The following PREX1 variants were observed in gnomAD, a reference collection of about 807,000 sequenced individuals.
PREX1 encodes phosphatidylinositol 3,4,5-trisphosphate-dependent Rac exchanger 1 protein.
Under a neutral mutation model 198.3 loss-of-function variants are expected in PREX1, and 41 were observed. The ratio of observed to expected loss-of-function variants is 0.21; its 90% confidence interval spans 0.16 to 0.27. The LOEUF is 0.27. PREX1 is among the 10% of genes least tolerant of loss of function. The pLI is 1.00. For missense variants in PREX1, 1,620 were observed against 2,200.7 expected, an observed-to-expected ratio of 0.74 and a Z score of 5.28; for synonymous variants, 843 against 887.2, an observed-to-expected ratio of 0.95 and a Z score of 0.89.
At chr20:48,648,470 G>C (rs79247638) in intron 25 of PREX1, among the ~76,000 whole-genome samples, 27 of 152,220 alleles carry the variant, frequency 1.8e-4, no homozygotes, top group Non-Finnish European at 2.4e-4. Context: ...CCCCAACAAG[G>C]AATAATCCAG....
At chr20:48,680,017 G>A (rs2089738821) in intron 11 of PREX1, among the ~76,000 whole-genome samples, 1 of 152,130 alleles carries the variant, frequency 6.6e-6, no homozygotes, top group Admixed American at 6.5e-5. Context: ...AGCTTGGGGT[G>A]GGGCATCTAC....
intron 1 of PREX1, among the ~76,000 whole-genome samples, chr20:48,776,440 G>T (rs923462422): frequency 1.3e-5 from 2 of 152,342 alleles, no homozygotes; most frequent in African/African-American, 4.8e-5. Context: ...CTGTGGGAGG[G>T]GATGGCAGCT....
intron 6 of PREX1, among the ~76,000 whole-genome samples, chr20:48,705,526 A>G (rs2089898878): frequency 6.6e-6 from 1 of 152,206 alleles, no homozygotes; most frequent in Non-Finnish European, 1.5e-5. Context: ...GGTCACACAG[A>G]AAGATGGGAA....
At chr20:48,777,920 G>A (rs73258469) in intron 1 of PREX1, among the ~76,000 whole-genome samples, 2,241 of 152,020 alleles carry the variant, frequency 0.015, 57 homozygotes, top group African/African-American at 0.051. Flanking sequence ...TGCCCAAGAC[G>A]TCTACACCAG....
chr20:48,840,624 A>G, the PREX1 span, among the ~76,000 whole-genome samples: 1 of 152,214 alleles, frequency 6.6e-6, no homozygotes, highest in Non-Finnish European at 1.5e-5. Context: ...CAAAGTCAGC[A>G]TGGCTGCTTG....
chr20:48,797,582 CCT>C (rs1259643030), intron 1 of PREX1, among the ~76,000 whole-genome samples: 1 of 152,148 alleles, frequency 6.6e-6, no homozygotes, highest in African/African-American at 2.4e-5. Context: ...GTTCACTGCC[CCT>C]GTGTGCCCGC....
In PREX1 at chr20:48,644,662, G is replaced by A. The variant is rs8123742; in HGVS notation, c.3513-165C>T. Among the ~76,000 whole-genome samples the A allele has an allele frequency of 5.9e-3, 893 of 152,382 alleles. 11 individuals are homozygous for A. The highest frequency in any genetic ancestry group is 0.021 in the African/African-American group (860 of 41,598). ...ACCGGTCCTGGGTCCCAAAGGCAGG[G>A]AAGGCCGGCCTGGTGGGTTTTCCAC... On this transcript the variant is annotated intron_variant, in intron 26 of 39. Coordinates refer to ENST00000371941, the MANE Select transcript of PREX1 (RefSeq NM_020820.4).
intron 1 of PREX1, among the ~76,000 whole-genome samples, chr20:48,822,667 T>C (rs1487096303): frequency 6.6e-6 from 1 of 152,220 alleles, no homozygotes; most frequent in African/African-American, 2.4e-5. Flanking sequence ...GAAAAGGGTA[T>C]TATAAACAGG....
At chr20:48,759,897 G>C (rs936489401) in intron 1 of PREX1, among the ~76,000 whole-genome samples, 1 of 152,030 alleles carries the variant, frequency 6.6e-6, no homozygotes, top group Admixed American at 6.6e-5. Flanking sequence ...TTGAACCCAG[G>C]AGTTCGAGCA....
intron 25 of PREX1, 65 bp downstream of exon 25, chr20:48,649,235 T>C (rs2089473225): frequency 6.4e-7 from 1 of 1,562,098 alleles, no homozygotes; most frequent in Admixed American, 1.8e-5. Flanking sequence ...ACCCACAATG[T>C]CAGTAAGGCC....
chr20:48,681,094 T>C, intron 11 of PREX1, 141 bp downstream of exon 11: 3 of 749,774 alleles, frequency 4.0e-6, no homozygotes, highest in Non-Finnish European at 6.7e-6. Flanking sequence ...GGCATCCATG[T>C]TCCTGCGGGC....
chr20:48,633,120 C>A (rs1021264124), intron 33 of PREX1, among the ~76,000 whole-genome samples: 2 of 152,200 alleles, frequency 1.3e-5, no homozygotes, highest in African/African-American at 4.8e-5. Context: ...CACCCAGACC[C>A]CATCCTGCAC....
intron 1 of PREX1, among the ~76,000 whole-genome samples, chr20:48,764,798 G>A (rs3960300): frequency 0.2 from 19,360 of 94,626 alleles, 1,574 homozygotes; most frequent in South Asian, 0.24. Flanking sequence ...AAAAAAAAAA[G>A]AAAGAAAGAA....
chr20:48,795,677 G>T (rs376575007), intron 1 of PREX1, among the ~76,000 whole-genome samples: 1 of 151,870 alleles, frequency 6.6e-6, no homozygotes, highest in Non-Finnish European at 1.5e-5. Flanking sequence ...CAGCAGAATC[G>T]CCCTGCAAAA....
chr20:48,791,958 A>G (rs2090340853), intron 1 of PREX1, among the ~76,000 whole-genome samples: 1 of 152,190 alleles, frequency 6.6e-6, no homozygotes, highest in Non-Finnish European at 1.5e-5. Context: ...CCTGGGGCTG[A>G]GAGGTGGCTG....
intron 35 of PREX1, among the ~76,000 whole-genome samples, chr20:48,631,193 C>G: frequency 6.6e-6 from 1 of 152,162 alleles, no homozygotes; most frequent in Non-Finnish European, 1.5e-5. Flanking sequence ...GTGAAGAGCC[C>G]AACGGTAAAC....
At chr20:48,713,610 C>A (rs918524890) in intron 5 of PREX1, among the ~76,000 whole-genome samples, 3 of 151,934 alleles carry the variant, frequency 2.0e-5, no homozygotes, top group Non-Finnish European at 4.4e-5. Flanking sequence ...CAGTGATGTG[C>A]ACCTGTAGTT....
chr20:48,812,128 C>T (rs2090439093), intron 1 of PREX1, among the ~76,000 whole-genome samples: 1 of 152,200 alleles, frequency 6.6e-6, no homozygotes, highest in Non-Finnish European at 1.5e-5. Flanking sequence ...GGTCCTAAAC[C>T]CAGGTTTTTT....
intron 1 of PREX1, among the ~76,000 whole-genome samples, chr20:48,782,947 G>A (rs769223005): frequency 2.6e-5 from 4 of 152,092 alleles, no homozygotes; most frequent in African/African-American, 4.8e-5. Flanking sequence ...AGGAGGTGAC[G>A]GGGCTACAGC....
Sources: gnomAD v4.1 joint callset for allele counts (sites outside exome capture counted in the v4.1 genomes callset) on GRCh38, gnomAD v4.1.1 for gene constraint, MANE v1.5 for transcripts, NCBI Gene and HGNC (gene_info 2026-07-23, HGNC 2026-07-21) for gene names.